LIFR: variants seen among roughly 807,000 people sequenced by gnomAD.
LIFR encodes the protein leukemia inhibitory factor receptor.
In LIFR, 84 loss-of-function variants were observed where a neutral mutation model predicts 122.2. The observed-to-expected ratio is 0.69, with a 90% CI of 0.58 to 0.82. The LOEUF (loss-of-function observed/expected upper bound fraction) is 0.82. Among genes scored for constraint, LIFR ranks in the 40% least tolerant of loss-of-function variants. The pLI is 0.00. For missense variants in LIFR, 1,294 were observed against 1,311.6 expected (o/e 0.99, Z 0.21); for synonymous variants, 422 against 434.7 (o/e 0.97, Z 0.36).
chr5:38,606,513 A>G (rs1750332307), intron 1 of LIFR, among the ~76,000 whole-genome samples: 1 of 152,222 alleles, frequency 6.6e-6, no homozygotes, highest in Non-Finnish European at 1.5e-5. Flanking sequence ...GATGGGGTCA[A>G]ATATTCAAAC....
At chr5:38,566,683 T>C (rs1749035507) in intron 1 of LIFR, among the ~76,000 whole-genome samples, 1 of 152,142 alleles carries the variant, frequency 6.6e-6, no homozygotes, top group Non-Finnish European at 1.5e-5. Flanking sequence ...AATAATATAA[T>C]ATATGGGAGG....
At chr5:38,544,590 G>A (rs531805075) in intron 1 of LIFR, among the ~76,000 whole-genome samples, 5 of 152,002 alleles carry the variant, frequency 3.3e-5, no homozygotes, top group Non-Finnish European at 7.4e-5. Flanking sequence ...CCCAAATCCC[G>A]CACCACAACC....
chr5:38,605,795 C>A (rs1447632140), intron 2 of LIFR, among the ~76,000 whole-genome samples: 2 of 152,154 alleles, frequency 1.3e-5, no homozygotes, highest in East Asian at 3.9e-4. Context: ...AAGATTGCAA[C>A]CATTTGTCTC....
At chr5:38,560,678 C>T (rs1748802809), upstream of LIFR, among the ~76,000 whole-genome samples, 1 of 151,670 alleles carries the variant, frequency 6.6e-6, no homozygotes, top group Admixed American at 6.6e-5. Context: ...CTCACTGCAA[C>T]CTCCGCCTCC....
chr5:38,603,127 CA>C (rs2112784029), intron 2 of LIFR, among the ~76,000 whole-genome samples: 1 of 152,342 alleles, frequency 6.6e-6, no homozygotes, highest in African/African-American at 2.4e-5. Flanking sequence ...GTCCCAGGGT[CA>C]AGGTTAAACA....
At chr5:38,538,984 G>T (rs375661457) in intron 1 of LIFR, among the ~76,000 whole-genome samples, 7 of 151,428 alleles carry the variant, frequency 4.6e-5, no homozygotes, top group African/African-American at 1.7e-4. Flanking sequence ...TTTTTGAGAC[G>T]GAGTCTCGCT....
At chr5:38,509,496 A>C (rs1337616529) in intron 7 of LIFR, among the ~76,000 whole-genome samples, 1 of 152,230 alleles carries the variant, frequency 6.6e-6, no homozygotes, top group Non-Finnish European at 1.5e-5. Context: ...TATCTGAATG[A>C]AATTCATCAC....
At chr5:38,531,882 A>G (rs1358082358) in intron 1 of LIFR, among the ~76,000 whole-genome samples, 2 of 152,230 alleles carry the variant, frequency 1.3e-5, no homozygotes, top group Admixed American at 1.3e-4. Context: ...AATTATAACC[A>G]TAACATGCAA....
At position 38,489,221 on chromosome 5, in the gene LIFR, G is replaced by C. The variant is rs1158382113; in HGVS notation, c.2192C>G (p.Thr731Ser). ...CGAATCTGCAGAAGTATCCTCAACA[G>C]TAAAATTTGGTGCAACAATGGGAGC... is the stretch of plus-strand genomic sequence containing the variant. ...ELAPIVAPNF[T>S]VEDTSADSIL... Residue 731 changes from threonine (T) to serine (S), a missense_variant, in exon 16 of 20, where the codon ACT becomes AGT. By Grantham distance (58) the Thr-to-Ser change is moderately conservative (BLOSUM62 1). Transcript: ENST00000453190. The C allele has an allele frequency of 6.2e-7, 1 of 1,612,830 alleles. No homozygotes were observed. The highest frequency in any genetic ancestry group is 8.5e-7 in the Non-Finnish European group (1 of 1,179,624).
chr5:38,506,660 T>G, intron 7 of LIFR, 28 bp from the exon 8 acceptor site: 1 of 1,587,080 alleles, frequency 6.3e-7, no homozygotes, highest in East Asian at 2.2e-5. Context: ...CAGGTACTTA[T>G]GATTACATAT....
chr5:38,597,428 G>A (rs1363675515), upstream of LIFR, among the ~76,000 whole-genome samples: 2 of 152,132 alleles, frequency 1.3e-5, no homozygotes, highest in African/African-American at 4.8e-5. Flanking sequence ...CTAGCCCAGG[G>A]GTGCCATCTC....
chr5:38,541,783 A>C (rs1747605249), intron 1 of LIFR, among the ~76,000 whole-genome samples: 1 of 152,208 alleles, frequency 6.6e-6, no homozygotes, highest in East Asian at 1.9e-4. Context: ...CAATAAAATA[A>C]ATTCAGCATG....
chr5:38,510,417 A>G (rs764945109), intron 7 of LIFR, 47 bp downstream of exon 7: 5 of 1,589,748 alleles, frequency 3.1e-6, no homozygotes, highest in Non-Finnish European at 4.3e-6. Flanking sequence ...TTCAAGGAAG[A>G]CCAAAACAGG....
intron 1 of LIFR, among the ~76,000 whole-genome samples, chr5:38,569,826 G>A (rs756992667): frequency 5.9e-5 from 9 of 152,050 alleles, no homozygotes; most frequent in South Asian, 4.2e-4. Context: ...TCCTCTTTCC[G>A]AAGAATCTTT....
At chr5:38,557,963 G>A (rs1748673322), upstream of LIFR, 1 of 152,016 alleles carries the variant, frequency 6.6e-6, no homozygotes. Context: ...TTATTCTTGA[G>A]TCCTTGATGG....
chr5:38,576,633 G>A (rs536907195), intron 1 of LIFR, among the ~76,000 whole-genome samples: 1 of 152,324 alleles, frequency 6.6e-6, no homozygotes, highest in East Asian at 1.9e-4. Context: ...AGTGAAAGAA[G>A]GCTTAGAGGC....
chr5:38,490,888 A>T (rs1246662141), intron 14 of LIFR: 2 of 152,170 alleles, frequency 1.3e-5, no homozygotes, highest in African/African-American at 2.4e-5. Context: ...ATTTTAATGA[A>T]CAAAATGTAA....
At chr5:38,487,619 A>G (rs1744357407) in intron 16 of LIFR, among the ~76,000 whole-genome samples, 1 of 152,214 alleles carries the variant, frequency 6.6e-6, no homozygotes, top group South Asian at 2.1e-4. Flanking sequence ...ATATACTGTA[A>G]TAAAAATTAC....
chr5:38,531,306 A>C (rs1746994727), intron 1 of LIFR, among the ~76,000 whole-genome samples: 1 of 152,220 alleles, frequency 6.6e-6, no homozygotes, highest in African/African-American at 2.4e-5. Context: ...GATACACTGA[A>C]AACTCTTGTG....
Sources: allele counts gnomAD v4.1 joint callset (sites outside exome capture counted in the v4.1 genomes callset), GRCh38; gene constraint gnomAD v4.1.1; transcripts MANE v1.5; gene names NCBI Gene and HGNC (gene_info 2026-07-23, HGNC 2026-07-21).